RIPK4: variants seen among roughly 807,000 people sequenced by gnomAD.
RIPK4 encodes the protein receptor-interacting serine/threonine-protein kinase 4.
Under a neutral mutation model 42.9 loss-of-function variants are expected in RIPK4, and 17 were observed. The ratio of observed to expected loss-of-function variants is 0.40; its 90% CI spans 0.27 to 0.59. The LOEUF (loss-of-function observed/expected upper bound fraction) is 0.59, where lower values mean the gene tolerates loss of function less well. RIPK4 is among the 20% of genes least tolerant of loss of function. The probability of loss-of-function intolerance (pLI) is 0.47; values close to 1 mark genes in which losing one functional copy is unlikely to be tolerated. For synonymous variants in RIPK4, 498 were observed against 499.1 expected (o/e 1.00, Z 0.03); for missense variants, 897 against 1,104.4 (o/e 0.81, Z 2.66).
chr21:41,743,185 C>A (rs1196701223), intron 7 of RIPK4, among the ~76,000 whole-genome samples: 1 of 152,128 alleles, frequency 6.6e-6, no homozygotes, highest in Non-Finnish European at 1.5e-5. Flanking sequence ...TATTTTCCAT[C>A]AGAGCTGCAG....
In RIPK4 at chr21:41,751,083, G is replaced by C; in HGVS notation, c.623+14C>G. 2 of 1,607,780 alleles carry C rather than the reference G, an allele frequency of 1.2e-6. No homozygotes were observed. The highest frequency in any genetic ancestry group is 1.7e-6 in the Non-Finnish European group (2 of 1,175,804). On this transcript the variant is annotated intron_variant, in intron 3 of 7. Transcript: ENST00000332512. This position sits in a 1 kb window ranked among gnomAD's most constrained non-coding sequence, Gnocchi z 4.5. Reference sequence around the variant, plus strand: ...CTGGCACCCACAGGGGATGGGGGGCGGCATGTCACACACCTGTATACATCG... The same window carrying C: ...CTGGCACCCACAGGGGATGGGGGGCCGCATGTCACACACCTGTATACATCG...
intron 2 of RIPK4, among the ~76,000 whole-genome samples, chr21:41,752,002 A>C (rs1375946885): frequency 6.6e-6 from 1 of 151,920 alleles, no homozygotes; most frequent in Admixed American, 6.5e-5. Context: ...CTTCGGGCAA[A>C]GGTGACCTTG....
intron 4 of RIPK4, among the ~76,000 whole-genome samples, chr21:41,748,265 C>G (rs1007003194): frequency 6.6e-6 from 1 of 152,240 alleles, no homozygotes; most frequent in African/African-American, 2.4e-5. Context: ...TCCCATACAT[C>G]GGCTCCTAGT....
chr21:41,743,825 A>G, intron 7 of RIPK4, 57 bp downstream of exon 7: 1 of 1,520,368 alleles, frequency 6.6e-7, no homozygotes, highest in Non-Finnish European at 8.8e-7. Flanking sequence ...CACTGAGTCC[A>G]GTCCACTGTC....
At position 41,757,767 on chromosome 21, in the gene RIPK4, G is replaced by GA. The variant is rs2061208203; in HGVS notation, c.183-952dup. Among the ~76,000 whole-genome samples, 4 of 151,586 alleles carry GA rather than the reference G, an allele frequency of 2.6e-5. No individual in the cohort carries two copies. The South Asian group carries it at 8.4e-4, about 32-fold the overall frequency. On this transcript the variant is annotated intron_variant, in intron 1 of 7. Coordinates refer to ENST00000332512, the MANE Select transcript of RIPK4 (RefSeq NM_020639.3). ...TGTAATCCCAGCACTTTGGGAGGCC[G>GA]AAACAGGCAGATCACAAGGTCAGGA...
chr21:41,749,123 C>T (rs1601678518), intron 4 of RIPK4, 31 bp downstream of exon 4: 1 of 1,611,694 alleles, frequency 6.2e-7, no homozygotes, highest in East Asian at 2.2e-5. Context: ...GAAAGACAAG[C>T]ACATTACACC....
At position 41,746,058 on chromosome 21, in the gene RIPK4, T is replaced by C. The variant is rs1344053110; in HGVS notation, c.833-196A>G. On this transcript the variant is annotated intron_variant, in intron 5 of 7. Transcript: ENST00000332512. Reference sequence around the variant, plus strand: ...CCAGGCCCCCCCATCGGTAATCATTTGAAGGCCTCACCAGACTCAAGGCGG... The same window carrying C: ...CCAGGCCCCCCCATCGGTAATCATTCGAAGGCCTCACCAGACTCAAGGCGG... The C allele has an allele frequency of 7.0e-6, 5 of 717,388 alleles. No individual in the cohort carries two copies. The African/African-American group carries it at 8.7e-5, about 12-fold the overall frequency. The allele number at this position is 717,388 out of a possible 1,614,324, so 44.4% of individuals were successfully genotyped here. A position where few individuals can be genotyped will look rare whatever the true frequency, so the allele number is the denominator to read the frequency against.
intron 1 of RIPK4, among the ~76,000 whole-genome samples, chr21:41,764,600 C>T (rs2061230775): frequency 1.3e-5 from 2 of 152,168 alleles, no homozygotes; most frequent in Non-Finnish European, 2.9e-5. Flanking sequence ...GGCAGCTCGT[C>T]AGAAAAGCAC....
intron 1 of RIPK4, among the ~76,000 whole-genome samples, chr21:41,761,887 G>A (rs112192217): frequency 0.016 from 2,465 of 152,164 alleles, 54 homozygotes; most frequent in African/African-American, 0.056. Context: ...TAACAGCTAC[G>A]GGCTGGCAGC....
At chr21:41,750,708 C>T (rs1054974689) in intron 3 of RIPK4, among the ~76,000 whole-genome samples, 1 of 152,118 alleles carries the variant, frequency 6.6e-6, no homozygotes, top group African/African-American at 2.4e-5. Context: ...TAGACAGGGT[C>T]GCGCTCTGTT....
intron 2 of RIPK4, among the ~76,000 whole-genome samples, chr21:41,756,116 T>G (rs1905427603): frequency 6.6e-6 from 1 of 152,052 alleles, no homozygotes; most frequent in Non-Finnish European, 1.5e-5. Context: ...CACCCCGAGC[T>G]CCTGAAAACA....
chr21:41,759,883 T>G (rs527903889), intron 1 of RIPK4, among the ~76,000 whole-genome samples: 57 of 152,322 alleles, frequency 3.7e-4, no homozygotes, highest in Non-Finnish European at 7.8e-4. Flanking sequence ...GAAATTCCCA[T>G]ACATCGGACA....
rs7276592 is a variant in RIPK4, at chr21:41,740,862, C to T, written c.2331G>A (p.Thr777=). The change falls in exon 8 of 8, where the codon ACG becomes ACA. Residue 777 remains threonine (T), a synonymous_variant. Transcript: ENST00000332512. Reference sequence around the variant, plus strand: ...GCTAGGTCTTGCTTCGCCGCAGGAGCGTGGCGGCGGGGCCATGGCCGCCCT... The same window carrying T: ...GCTAGGTCTTGCTTCGCCGCAGGAGTGTGGCGGCGGGGCCATGGCCGCCCT... ...KFQGGHGPAA[T]LLRRSKT The T allele has an allele frequency of 0.44, 707,691 of 1,608,350 alleles. 157,386 individuals carry two copies. Among genetic ancestry groups the T allele is most frequent in the East Asian group, 0.62 (27,712 of 44,776 alleles).
rs200196070 is a variant in RIPK4 at position 41,760,444 on chromosome 21, CAA to C, written c.183-3630_183-3629del. Among the ~76,000 whole-genome samples, 1,037 of 152,290 alleles carry C rather than the reference CAA, an allele frequency of 6.8e-3. 3 individuals are homozygous for C. The highest frequency in any genetic ancestry group is 0.014 in the Middle Eastern group (4 of 294). On this transcript the variant is annotated intron_variant, in intron 1 of 7. Coordinates refer to ENST00000332512, the MANE Select transcript of RIPK4 (RefSeq NM_020639.3). ...GAAGGTCCAGGGAGCTATGGAGAATCAAGAGAGATCCAAAGTCAGAAGTCAGC... is the reference window on the plus strand; with the variant it reads ...GAAGGTCCAGGGAGCTATGGAGAATCGAGAGATCCAAAGTCAGAAGTCAGC...
rs375975241 is a variant in RIPK4, at chr21:41,744,736, T to C, written c.937-596A>G. On this transcript the variant is annotated intron_variant, in intron 6 of 7. Transcript: ENST00000332512. ...AGGAACTGGGCAGGACCCCCACACGTGGCCACAACTGCGACCTCCCCGCGG... is the reference window on the plus strand; with the variant it reads ...AGGAACTGGGCAGGACCCCCACACGCGGCCACAACTGCGACCTCCCCGCGG... Among the ~76,000 whole-genome samples, 96 of 152,100 alleles carry C rather than the reference T, an allele frequency of 6.3e-4. 3 individuals carry two copies. The South Asian group carries it at 0.019, about 30-fold the overall frequency.
At chr21:41,745,028 G>A (rs1482922712) in intron 6 of RIPK4, among the ~76,000 whole-genome samples, 1 of 152,090 alleles carries the variant, frequency 6.6e-6, no homozygotes, top group Non-Finnish European at 1.5e-5. Context: ...TGGGTGTACC[G>A]AGCCACCCCT....
At chr21:41,765,196 A>T (rs2061232435) in intron 1 of RIPK4, among the ~76,000 whole-genome samples, 1 of 152,186 alleles carries the variant, frequency 6.6e-6, no homozygotes, top group Non-Finnish European at 1.5e-5. Flanking sequence ...CTGATGATTA[A>T]AGCTCACACA....
At chr21:41,744,863 G>T (rs1486206090) in intron 6 of RIPK4, among the ~76,000 whole-genome samples, 2 of 152,346 alleles carry the variant, frequency 1.3e-5, no homozygotes, top group African/African-American at 4.8e-5. Flanking sequence ...CACCGATGGG[G>T]CCTTTTAAAG....
At chr21:41,753,221 A>G (rs967983849) in intron 2 of RIPK4, among the ~76,000 whole-genome samples, 3 of 151,268 alleles carry the variant, frequency 2.0e-5, no homozygotes, top group Admixed American at 2.0e-4. Flanking sequence ...CAATAGCAGT[A>G]CCCATCCTGT....
Sources: allele counts gnomAD v4.1 joint callset (sites outside exome capture counted in the v4.1 genomes callset), GRCh38; gene constraint gnomAD v4.1.1; non-coding constraint Gnocchi (gnomAD v3.1); transcripts MANE v1.5; gene names NCBI Gene and HGNC (gene_info 2026-07-23, HGNC 2026-07-21).